The following LLPH variants were observed in gnomAD, a reference collection of about 807,000 sequenced individuals.
LLPH encodes the protein protein LLP homolog.
A neutral mutation model predicts 13.3 loss-of-function variants in LLPH; 5 were observed. The observed-to-expected ratio is 0.38, with a 90% CI of 0.20 to 0.79. The LOEUF (loss-of-function observed/expected upper bound fraction) is 0.79. Among genes scored for constraint, LLPH ranks in the 30% least tolerant of loss-of-function variants. The pLI, the probability that LLPH is intolerant of heterozygous loss-of-function variation, is 0.45. For synonymous variants in LLPH, 32 were observed against 44.2 expected, an observed-to-expected ratio of 0.72 and a Z score of 1.09; for missense variants, 129 against 152.1, an observed-to-expected ratio of 0.85 and a Z score of 0.80.
rs1425498870 is a variant in LLPH, at chr12:66,122,750, T to G, written c.*1090A>C. 1 of 152,138 alleles carries G rather than the reference T, an allele frequency of 6.6e-6. No individual in the cohort carries two copies. Among genetic ancestry groups the G allele is most frequent in the Non-Finnish European group, 1.5e-5 (1 of 68,038 alleles). The allele number at this position is 152,138 out of a possible 1,614,324, so 9.4% of individuals were successfully genotyped here. Reference sequence around the variant, plus strand: ...AAAATCTTTTGTAAATCTTCAAGTATGTAGCATTTCCCAAATCGATGTGAA... The same window carrying G: ...AAAATCTTTTGTAAATCTTCAAGTAGGTAGCATTTCCCAAATCGATGTGAA... On this transcript the variant is annotated 3_prime_UTR_variant, in exon 3 of 3. Transcript: ENST00000266604.
Position 66,129,023 on chromosome 12 carries a change from C to G in LLPH, c.84G>C (p.Arg28Ser), listed in dbSNP as rs1164234817. The G allele has an allele frequency of 1.2e-6, 2 of 1,610,526 alleles. No individual in the cohort carries two copies. Among genetic ancestry groups the G allele is most frequent in the Middle Eastern group, 1.6e-4 (1 of 6,074 alleles). Residue 28 changes from arginine (R) to serine (S), a missense_variant, in exon 2 of 3, where the codon AGG becomes AGC. Transcript: ENST00000266604. Reference protein sequence around the residue: ...RKKNAPKEASRLKSILKLDGD... With the variant: ...RKKNAPKEASSLKSILKLDGD... Reference sequence around the variant, plus strand: ...CGTCTAGTTTGAGAATACTTTTAAGCCTGCTGGCCTCCTTTGGGGCATTCT... The same window carrying G: ...CGTCTAGTTTGAGAATACTTTTAAGGCTGCTGGCCTCCTTTGGGGCATTCT...
intron 2 of LLPH, among the ~76,000 whole-genome samples, chr12:66,127,856 C>T (rs189341573): frequency 4.8e-4 from 73 of 152,282 alleles, no homozygotes; most frequent in Admixed American, 1.4e-3. Flanking sequence ...TCCCAGAACA[C>T]ATCTATGCTG....
rs2051472678 is a variant in LLPH at position 66,122,963 on chromosome 12, T to G, written c.*877A>C. On this transcript the variant is annotated 3_prime_UTR_variant, in exon 3 of 3. Transcript: ENST00000266604. The stretch of plus-strand genomic sequence containing the variant: ...CATACTGATTTGTATATGTTAATAT[T>G]CTACCTAAAATTAAGATAAGAAAAC... 6.6e-6 allele frequency: 1 copy of G among 152,100 alleles called. No homozygotes were observed. Among genetic ancestry groups the G allele is most frequent in the Non-Finnish European group, 1.5e-5 (1 of 68,014 alleles). The allele number at this position is 152,100 out of a possible 1,614,324, so 9.4% of individuals were successfully genotyped here.
chr12:66,117,592 CT>C lies in LLPH; in HGVS notation c.*6247del, dbSNP rs2051436787. On this transcript the variant is annotated 3_prime_UTR_variant, in exon 3 of 3. Coordinates refer to ENST00000266604, the MANE Select transcript of LLPH (RefSeq NM_032338.4). ...GACTACGGTTTATGGCTTTACTATACTTTTTATTTTAGAGTGTACTCCTTCT... is the reference window on the plus strand; with the variant it reads ...GACTACGGTTTATGGCTTTACTATACTTTTATTTTAGAGTGTACTCCTTCT... 1 of 152,212 alleles carries C rather than the reference CT, an allele frequency of 6.6e-6. No homozygotes were observed. The highest frequency in any genetic ancestry group is 1.5e-5 in the Non-Finnish European group (1 of 68,036). 9.4% of individuals were successfully genotyped at this position (152,212 alleles called of 1,614,324 possible).
rs1392341020 is a variant in LLPH, at chr12:66,117,641, G to C, written c.*6199C>G. The C allele has an allele frequency of 7.2e-5, 11 of 152,196 alleles. No individual in the cohort carries two copies. Among genetic ancestry groups the C allele is most frequent in the Non-Finnish European group, 8.8e-5 (6 of 68,038 alleles). 9.4% of individuals were successfully genotyped at this position (152,196 alleles called of 1,614,324 possible). ...TCTACTTAAAGAAAAAGTTGACTGT[G>C]AACAGCCTCAGGCAGGTCCTCCAGA... On this transcript the variant is annotated 3_prime_UTR_variant, in exon 3 of 3. Transcript: ENST00000266604.
Position 66,119,834 on chromosome 12 carries a change from A to G in LLPH, c.*4006T>C, listed in dbSNP as rs1283088100. ...TATTTGATTCAAGTCATTTATAGCTATTTTTCTTCTCCAACTCTTAAGCCA... is the reference window on the plus strand; with the variant it reads ...TATTTGATTCAAGTCATTTATAGCTGTTTTTCTTCTCCAACTCTTAAGCCA... On this transcript the variant is annotated 3_prime_UTR_variant, in exon 3 of 3. Coordinates refer to ENST00000266604, the MANE Select transcript of LLPH (RefSeq NM_032338.4). 1 of 152,176 alleles carries G rather than the reference A, an allele frequency of 6.6e-6. No homozygotes were observed. The highest frequency in any genetic ancestry group is 1.9e-4 in the East Asian group (1 of 5,200). The allele number at this position is 152,176 out of a possible 1,614,324, so 9.4% of individuals were successfully genotyped here.
In LLPH at chr12:66,118,888, T is replaced by A. The variant is rs375752833; in HGVS notation, c.*4952A>T. 21 of 152,280 alleles carry A rather than the reference T, an allele frequency of 1.4e-4. No individual in the cohort carries two copies. The highest frequency in any genetic ancestry group is 5.1e-4 in the African/African-American group (21 of 41,568). 9.4% of individuals were successfully genotyped at this position (152,280 alleles called of 1,614,324 possible). A position where few individuals can be genotyped will look rare whatever the true frequency, so the allele number is the denominator to read the frequency against. On this transcript the variant is annotated 3_prime_UTR_variant, in exon 3 of 3. Transcript: ENST00000266604. The stretch of plus-strand genomic sequence containing the variant: ...TGAAGATCCTGGCACCAATCCCCGA[T>A]AGATTCTGAAGGATAACTCTACAGT...
intron 2 of LLPH, among the ~76,000 whole-genome samples, chr12:66,126,928 CAA>C (rs1023536641): frequency 7.9e-6 from 1 of 126,216 alleles, no homozygotes. Flanking sequence ...GACTCCATCT[CAA>C]AAAAAAAAAA....
Position 66,128,912 on chromosome 12 carries a change from C to T in LLPH, c.195G>A (p.Glu65=). 1.2e-6 allele frequency: 2 copies of T among 1,608,390 alleles called. No individual in the cohort carries two copies. Among genetic ancestry groups the T allele is most frequent in the South Asian group, 2.2e-5 (2 of 90,554 alleles). The part of the protein sequence containing the change: ...PKHCQEKMQC[E]VKDEKDDMKM... ...CACACTCACCTTTTTCATCTTTTAC[C>T]TCACATTGCATTTTCTCTTGGCAAT... The change falls in exon 2 of 3, where the codon GAG becomes GAA. Residue 65 remains glutamate, a synonymous_variant. Transcript: ENST00000266604.
Position 66,129,061 on chromosome 12 carries a change from C to T in LLPH, c.46G>A (p.Glu16Lys). The change falls in exon 2 of 3, where the codon GAA (glutamate) becomes AAA (lysine). Residue 16 changes from glutamate to lysine, a missense_variant. Glu to Lys is a moderately conservative substitution (Grantham distance 56). Transcript: ENST00000266604. ...TTTGGGGCATTCTTTTTTCTCTTTTCAGCACGCATCTTTCTTTTCCACTTA... is the reference window on the plus strand; with the variant it reads ...TTTGGGGCATTCTTTTTTCTCTTTTTAGCACGCATCTTTCTTTTCCACTTA... ...RSKWKRKMRAEKRKKNAPKEA... is the reference protein window; with the variant it reads ...RSKWKRKMRAKKRKKNAPKEA... 6.2e-7 allele frequency: 1 copy of T among 1,612,760 alleles called. No individual in the cohort carries two copies. Among genetic ancestry groups the T allele is most frequent in the South Asian group, 1.1e-5 (1 of 90,826 alleles).
At chr12:66,125,590 G>A (rs932360076) in intron 2 of LLPH, among the ~76,000 whole-genome samples, 1 of 151,886 alleles carries the variant, frequency 6.6e-6, no homozygotes. Context: ...CCCCAGGCAG[G>A]ACATAAGATA....
Position 66,122,120 on chromosome 12 carries a change from T to G in LLPH, c.*1720A>C, listed in dbSNP as rs1257306022. 1.3e-5 allele frequency: 2 copies of G among 152,194 alleles called. No individual in the cohort carries two copies. Among genetic ancestry groups the G allele is most frequent in the Non-Finnish European group, 2.9e-5 (2 of 68,026 alleles). 9.4% of individuals were successfully genotyped at this position (152,194 alleles called of 1,614,324 possible). On this transcript the variant is annotated 3_prime_UTR_variant, in exon 3 of 3. Transcript: ENST00000266604. ...GTTAAGAAATTTTAAGCATTTAAAGTTATCTACCAACTTTTCAATAAACTA... is the reference window on the plus strand; with the variant it reads ...GTTAAGAAATTTTAAGCATTTAAAGGTATCTACCAACTTTTCAATAAACTA...
rs748168569 is a variant in LLPH at position 66,124,006 on chromosome 12, A to G, written c.224T>C (p.Met75Thr). 41 of 1,591,722 alleles carry G rather than the reference A, an allele frequency of 2.6e-5. No homozygotes were observed. Among genetic ancestry groups the G allele is most frequent in the Non-Finnish European group, 3.2e-5 (37 of 1,167,136 alleles). The change falls in exon 3 of 3, where the codon ATG becomes ACG. Residue 75 changes from methionine to threonine, a missense_variant. By Grantham distance (81) the Met-to-Thr change is moderately conservative. Transcript: ENST00000266604. ...TTTGTTTCTCTTAATATCAGTCTCC[A>G]TTTTCATGTCATCTGCATAAAAAGA... ...EVKDEKDDMKMETDIKRNKKT... is the reference protein window; with the variant it reads ...EVKDEKDDMKTETDIKRNKKT...
At chr12:66,126,383 C>A in intron 2 of LLPH, among the ~76,000 whole-genome samples, 1 of 143,928 alleles carries the variant, frequency 6.9e-6, no homozygotes, top group Non-Finnish European at 1.5e-5. Context: ...TAAGAGAAAA[C>A]CAAGTAATAA....
intron 2 of LLPH, among the ~76,000 whole-genome samples, chr12:66,128,413 C>G (rs191103993): frequency 1.3e-4 from 19 of 151,928 alleles, no homozygotes; most frequent in African/African-American, 4.6e-4. Flanking sequence ...ATAGTGAAAC[C>G]CTGTGATTTT....
chr12:66,124,089 C>T, intron 2 of LLPH, 71 bp from the exon 3 acceptor site: 1 of 966,056 alleles, frequency 1.0e-6, no homozygotes, highest in Non-Finnish European at 1.6e-6. Context: ...CATATTAATG[C>T]ACTGAGAACA....
At position 66,128,339 on chromosome 12, in the gene LLPH, T is replaced by TTA. The variant is rs759945255; in HGVS notation, c.211+555_211+556dup. On this transcript the variant is annotated intron_variant, in intron 2 of 2. Transcript: ENST00000266604. ...TGCATTAAATGTGCAAAAAGCAGCA[T>TTA]TATATATATATCCTCCAACTTCATG... Among the ~76,000 whole-genome samples, 33 of 152,278 alleles carry TTA rather than the reference T, an allele frequency of 2.2e-4. 1 individual carries two copies. Among genetic ancestry groups the TTA allele is most frequent in the South Asian group, 6.2e-4 (3 of 4,824 alleles).
chr12:66,129,230 C>G (rs1466825018), intron 1 of LLPH, 117 bp from the exon 2 acceptor site: 3 of 675,356 alleles, frequency 4.4e-6, no homozygotes, highest in East Asian at 2.7e-5. Context: ...AAAAGTAAAA[C>G]TCTTCAATCT....
At chr12:66,127,861 A>G (rs938916310) in intron 2 of LLPH, among the ~76,000 whole-genome samples, 2 of 152,226 alleles carry the variant, frequency 1.3e-5, no homozygotes, top group African/African-American at 4.8e-5. Context: ...GAACACATCT[A>G]TGCTGTTGGC....
Sources: gnomAD v4.1 joint callset for allele counts (sites outside exome capture counted in the v4.1 genomes callset) on GRCh38, gnomAD v4.1.1 for gene constraint, MANE v1.5 for transcripts, NCBI Gene and HGNC (gene_info 2026-07-23, HGNC 2026-07-21) for gene names.